Variants in OTUD7A observed in about 807,000 individuals in gnomAD.
OTUD7A encodes the protein OTU deubiquitinase 7A.
In OTUD7A, 12 loss-of-function variants were observed where a neutral mutation model predicts 65.7. The ratio of observed to expected loss-of-function variants is 0.18; its 90% CI spans 0.12 to 0.30. The LOEUF (loss-of-function observed/expected upper bound fraction) is 0.30, where lower values mean the gene tolerates loss of function less well. OTUD7A is among the 10% of genes least tolerant of loss of function. OTUD7A has a pLI of 1.00. For synonymous variants in OTUD7A, 641 were observed against 586.3 expected (o/e 1.09, Z -1.35); for missense variants, 1,148 against 1,304.8 (o/e 0.88, Z 1.85).
At chr15:31,577,152 G>A (rs1889225722) in intron 3 of OTUD7A, among the ~76,000 whole-genome samples, 1 of 152,090 alleles carries the variant, frequency 6.6e-6, no homozygotes, top group South Asian at 2.1e-4. Context: ...GCTCTGCAAA[G>A]CTATCTTTGT....
chr15:31,793,047 C>A (rs1895860508), intron 1 of OTUD7A, among the ~76,000 whole-genome samples: 1 of 152,156 alleles, frequency 6.6e-6, no homozygotes, highest in South Asian at 2.1e-4. Flanking sequence ...AGGAAATGAG[C>A]CCCAAACTGA....
chr15:31,820,881 A>G (rs982466577), intron 1 of OTUD7A, among the ~76,000 whole-genome samples: 1 of 152,178 alleles, frequency 6.6e-6, no homozygotes, highest in Non-Finnish European at 1.5e-5. Context: ...TTGTGCAACC[A>G]TCGGCACAAT....
intron 1 of OTUD7A, among the ~76,000 whole-genome samples, chr15:31,866,308 C>T (rs1897874414): frequency 6.6e-6 from 1 of 152,220 alleles, no homozygotes; most frequent in African/African-American, 2.4e-5. Context: ...ATGGCCCACT[C>T]CCTCCCAGTC....
At chr15:31,835,825 GACAC>G (rs888731698) in intron 1 of OTUD7A, among the ~76,000 whole-genome samples, 1 of 151,512 alleles carries the variant, frequency 6.6e-6, no homozygotes, top group Non-Finnish European at 1.5e-5. Context: ...TACACACACA[GACAC>G]ACACACATGG....
intron 6 of OTUD7A, among the ~76,000 whole-genome samples, chr15:31,528,881 A>G (rs2042050831): frequency 6.6e-6 from 1 of 152,264 alleles, no homozygotes; most frequent in African/African-American, 2.4e-5. Context: ...AAAATGAAAC[A>G]AAGTGCTGGG....
At chr15:31,536,441 G>A (rs950209895) in intron 5 of OTUD7A, among the ~76,000 whole-genome samples, 5 of 151,984 alleles carry the variant, frequency 3.3e-5, no homozygotes, top group Non-Finnish European at 7.4e-5. Context: ...ACCTCCCTAG[G>A]GCCTTCAACA....
intron 3 of OTUD7A, among the ~76,000 whole-genome samples, chr15:31,613,023 AAAC>A (rs1364220417): frequency 1.3e-5 from 2 of 152,276 alleles, no homozygotes; most frequent in African/African-American, 4.8e-5. Flanking sequence ...TTGACAAAGC[AAAC>A]AAAAACATAA....
At chr15:31,598,063 G>A (rs544696208) in intron 3 of OTUD7A, among the ~76,000 whole-genome samples, 2 of 152,256 alleles carry the variant, frequency 1.3e-5, no homozygotes, top group East Asian at 1.9e-4. Context: ...CCTGGTCCGG[G>A]AGAGCCTGGG....
chr15:31,559,700 A>C (rs916051266), intron 4 of OTUD7A, among the ~76,000 whole-genome samples: 3 of 152,194 alleles, frequency 2.0e-5, no homozygotes, highest in African/African-American at 7.2e-5. Flanking sequence ...CCACGCACAT[A>C]CACTACAGAC....
chr15:31,808,098 A>AACACAAACAC (rs1896318426), intron 1 of OTUD7A, among the ~76,000 whole-genome samples: 1 of 95,800 alleles, frequency 1.0e-5, no homozygotes, highest in South Asian at 3.2e-4. Flanking sequence ...ACAAATGCCA[A>AACACAAACAC]ACACACACAC....
intron 8 of OTUD7A, among the ~76,000 whole-genome samples, chr15:31,521,638 T>C (rs1471265131): frequency 6.6e-6 from 1 of 152,194 alleles, no homozygotes; most frequent in Non-Finnish European, 1.5e-5. Flanking sequence ...TGACTGAAAT[T>C]GACAACTCTC....
chr15:31,550,764 C>T (rs112438052), intron 5 of OTUD7A, among the ~76,000 whole-genome samples: 1 of 152,166 alleles, frequency 6.6e-6, no homozygotes, highest in Non-Finnish European at 1.5e-5. Context: ...ATGCATACAG[C>T]GTCCTTTAGC....
intron 3 of OTUD7A, among the ~76,000 whole-genome samples, chr15:31,641,209 T>C (rs1891506357): frequency 6.6e-6 from 1 of 152,120 alleles, no homozygotes; most frequent in Non-Finnish European, 1.5e-5. Context: ...ACTCACTCCA[T>C]CCTGCTGCCC....
chr15:31,819,759 T>C (rs532829468), intron 1 of OTUD7A, among the ~76,000 whole-genome samples: 23 of 151,584 alleles, frequency 1.5e-4, no homozygotes, highest in Non-Finnish European at 2.9e-4. Context: ...ACATTATATA[T>C]AACATATAAG....
At chr15:31,791,202 T>C (rs888643324) in intron 1 of OTUD7A, among the ~76,000 whole-genome samples, 2 of 152,064 alleles carry the variant, frequency 1.3e-5, no homozygotes, top group Non-Finnish European at 2.9e-5. Flanking sequence ...AATTTTTGTA[T>C]TTTTAGTAGA....
rs1422329663 is a variant in OTUD7A at position 31,715,928 on chromosome 15, G to A, written c.-99-58851C>T. Among the ~76,000 whole-genome samples the A allele has an allele frequency of 4.7e-4, 12 of 25,550 alleles. 2 individuals carry two copies. The highest frequency in any genetic ancestry group is 5.8e-4 in the African/African-American group (12 of 20,668). The allele number at this position is 25,550 out of a possible 152,430, so 16.8% of individuals were successfully genotyped here. On this transcript the variant is annotated intron_variant, in intron 1 of 12. Transcript: ENST00000307050. ...GCTGTTCTGAGGGTACAATAAGAACGGGTGCTGCCCACAGTGCAGTGGTGC... is the reference window on the plus strand; with the variant it reads ...GCTGTTCTGAGGGTACAATAAGAACAGGTGCTGCCCACAGTGCAGTGGTGC...
chr15:31,792,514 G>A (rs532564177), intron 1 of OTUD7A, among the ~76,000 whole-genome samples: 8 of 152,126 alleles, frequency 5.3e-5, no homozygotes, highest in Non-Finnish European at 1.0e-4. Context: ...GACACACTCA[G>A]TCCTAAGCTG....
intron 1 of OTUD7A, among the ~76,000 whole-genome samples, chr15:31,799,449 G>A (rs1383910674): frequency 6.6e-6 from 1 of 152,162 alleles, no homozygotes; most frequent in Non-Finnish European, 1.5e-5. Context: ...TGGAGGTGGG[G>A]CTTTTGGAAG....
At chr15:31,724,897 G>A (rs369435491) in intron 1 of OTUD7A, among the ~76,000 whole-genome samples, 4 of 152,102 alleles carry the variant, frequency 2.6e-5, no homozygotes, top group Admixed American at 6.5e-5. Context: ...GGGCAGGGGT[G>A]GGGGGCACGA....
Sources: allele counts gnomAD v4.1 joint callset (sites outside exome capture counted in the v4.1 genomes callset), GRCh38; gene constraint gnomAD v4.1.1; transcripts MANE v1.5; gene names NCBI Gene and HGNC (gene_info 2026-07-23, HGNC 2026-07-21).